The following KLHL1 variants were observed in gnomAD, a reference collection of about 807,000 sequenced individuals.
KLHL1 encodes the protein kelch-like protein 1.
In KLHL1, 47 loss-of-function variants were observed where a neutral mutation model predicts 77.7. The ratio of observed to expected loss-of-function variants is 0.60; its 90% CI spans 0.48 to 0.77. KLHL1 has a LOEUF of 0.77. Among genes scored for constraint, KLHL1 ranks in the 30% least tolerant of loss-of-function variants. The probability of loss-of-function intolerance (pLI) is 0.00; values close to 1 mark genes in which losing one functional copy is unlikely to be tolerated. For missense variants in KLHL1, 925 were observed against 910.8 expected (o/e 1.02, Z -0.20); for synonymous variants, 360 against 325.2 (o/e 1.11, Z -1.15).
At chr13:69,818,403 T>C (rs1172538758) in intron 6 of KLHL1, among the ~76,000 whole-genome samples, 1 of 151,856 alleles carries the variant, frequency 6.6e-6, no homozygotes, top group South Asian at 2.1e-4. Flanking sequence ...CTGTTTTTAG[T>C]AGAGATGGGG....
intron 4 of KLHL1, chr13:69,895,017 A>G (rs1593925936): frequency 2.0e-6 from 1 of 508,600 alleles, no homozygotes; most frequent in East Asian, 5.4e-5. Context: ...TATGATTGTC[A>G]TCAATGATCT....
In KLHL1 at chr13:69,784,229, C is replaced by T. The variant is rs530038384; in HGVS notation, c.1639+12509G>A. Among the ~76,000 whole-genome samples, 13 of 152,312 alleles carry T rather than the reference C, an allele frequency of 8.5e-5. No homozygotes were observed. The South Asian group carries it at 2.7e-3, about 32-fold the overall frequency. On this transcript the variant is annotated intron_variant, in intron 7 of 10. Coordinates refer to ENST00000377844, the MANE Select transcript of KLHL1 (RefSeq NM_020866.3). Reference sequence around the variant, plus strand: ...AAACCGGTACCAGCCACTGCAAAAACATGCCAAAATGTAAAGACCATCAAG... The same window carrying T: ...AAACCGGTACCAGCCACTGCAAAAATATGCCAAAATGTAAAGACCATCAAG...
At chr13:70,004,523 C>CT (rs66942404) in intron 1 of KLHL1, among the ~76,000 whole-genome samples, 96,558 of 151,500 alleles carry the variant, frequency 0.64, 32,275 homozygotes, top group Non-Finnish European at 0.75. Flanking sequence ...TGCCATCCCC[C>CT]TGACTAGTCC....
chr13:69,991,037 C>T (rs981507417), intron 1 of KLHL1, among the ~76,000 whole-genome samples: 1 of 151,874 alleles, frequency 6.6e-6, no homozygotes, highest in South Asian at 2.1e-4. Flanking sequence ...TATTAAACAA[C>T]GTGCTTCTGA....
At chr13:69,944,459 G>T (rs1400448732) in intron 3 of KLHL1, among the ~76,000 whole-genome samples, 3 of 152,120 alleles carry the variant, frequency 2.0e-5, no homozygotes, top group East Asian at 3.9e-4. Flanking sequence ...ACAATTCATA[G>T]CCATTTGTAA....
At chr13:69,823,017 T>C (rs1260541112) in intron 6 of KLHL1, among the ~76,000 whole-genome samples, 1 of 152,172 alleles carries the variant, frequency 6.6e-6, no homozygotes, top group Non-Finnish European at 1.5e-5. Context: ...AAGTTCGCTA[T>C]CAAGAGCTTG....
chr13:69,774,253 A>G (rs2137988481), intron 7 of KLHL1, among the ~76,000 whole-genome samples: 1 of 152,134 alleles, frequency 6.6e-6, no homozygotes, highest in African/African-American at 2.4e-5. Flanking sequence ...GTTCAAGATG[A>G]AATTGTTTCA....
rs1882717696 is a variant in KLHL1, at chr13:69,923,729, G to T, written c.1014+16311C>A. ...TGGCAGTCCATCTAGAGCAGCTGCTGCGATGATGCCAGCTGCAGTGGAGGA... is the reference window on the plus strand; with the variant it reads ...TGGCAGTCCATCTAGAGCAGCTGCTTCGATGATGCCAGCTGCAGTGGAGGA... On this transcript the variant is annotated intron_variant, in intron 4 of 10. Coordinates refer to ENST00000377844, the MANE Select transcript of KLHL1 (RefSeq NM_020866.3). Among the ~76,000 whole-genome samples, 3 of 152,296 alleles carry T rather than the reference G, an allele frequency of 2.0e-5. No individual in the cohort carries two copies. In the South Asian group the frequency reaches 6.2e-4, roughly 32 times the overall value.
At chr13:69,789,017 CTCTATCTATCTATCTATCTATCTA>C (rs10542087) in intron 7 of KLHL1, among the ~76,000 whole-genome samples, 16,198 of 150,476 alleles carry the variant, frequency 0.11, 1,009 homozygotes, top group African/African-American at 0.16. Flanking sequence ...CTCCACAGGA[CTCTATCTATCTATCTATCTATCTA>C]TCTATCTATC....
chr13:69,820,018 C>A (rs1878270766), intron 6 of KLHL1, among the ~76,000 whole-genome samples: 1 of 152,126 alleles, frequency 6.6e-6, no homozygotes, highest in Non-Finnish European at 1.5e-5. Flanking sequence ...AAGAAGAGAG[C>A]AGTCCCTCTA....
At chr13:69,823,293 AAC>A (rs1878413763) in intron 6 of KLHL1, among the ~76,000 whole-genome samples, 1 of 152,116 alleles carries the variant, frequency 6.6e-6, no homozygotes, top group Admixed American at 6.5e-5. Context: ...GCATATGAGA[AAC>A]ACCAACATTT....
chr13:69,788,210 A>T (rs1876664568), intron 7 of KLHL1, among the ~76,000 whole-genome samples: 1 of 152,228 alleles, frequency 6.6e-6, no homozygotes, highest in Non-Finnish European at 1.5e-5. Flanking sequence ...ATACATGCAC[A>T]CATATGTTTA....
chr13:69,838,565 C>G (rs1671477384), intron 6 of KLHL1, among the ~76,000 whole-genome samples: 1 of 151,750 alleles, frequency 6.6e-6, no homozygotes, highest in Admixed American at 6.6e-5. Flanking sequence ...TTATAATTGT[C>G]TATTTATTTA....
chr13:69,743,266 A>T (rs1253559460), intron 7 of KLHL1, among the ~76,000 whole-genome samples: 1 of 150,656 alleles, frequency 6.6e-6, no homozygotes, highest in African/African-American at 2.5e-5. Context: ...TATGACATTT[A>T]TTCTGGATGT....
At chr13:70,056,336 TAAAC>T (rs1159131700) in intron 1 of KLHL1, among the ~76,000 whole-genome samples, 1 of 151,996 alleles carries the variant, frequency 6.6e-6, no homozygotes, top group Non-Finnish European at 1.5e-5. Flanking sequence ...CCCAGATAAA[TAAAC>T]AAATATTATT....
rs1166960242 is a variant in KLHL1 at position 69,961,302 on chromosome 13, C to G, written c.817+6G>C. 1 of 1,606,860 alleles carries G rather than the reference C, an allele frequency of 6.2e-7. No homozygotes were observed. Among genetic ancestry groups the G allele is most frequent in the Admixed American group, 1.7e-5 (1 of 59,566 alleles). ...TCAGAATGATGTTATAATTATTTTGCCATACCTGTATATGCAAATTGGACA... is the reference window on the plus strand; with the variant it reads ...TCAGAATGATGTTATAATTATTTTGGCATACCTGTATATGCAAATTGGACA... On this transcript the variant is annotated splice_donor_region_variant and intron_variant, in intron 3 of 10. Coordinates refer to ENST00000377844, the MANE Select transcript of KLHL1 (RefSeq NM_020866.3).
intron 7 of KLHL1, among the ~76,000 whole-genome samples, chr13:69,763,692 A>T (rs2137969055): frequency 6.6e-6 from 1 of 152,364 alleles, no homozygotes; most frequent in Admixed American, 6.5e-5. Context: ...ATGTGGAATT[A>T]TTAAACAAAA....
intron 4 of KLHL1, among the ~76,000 whole-genome samples, chr13:69,914,604 A>C (rs900804344): frequency 6.0e-4 from 91 of 152,362 alleles, no homozygotes; most frequent in African/African-American, 1.9e-3. Context: ...ATTTTGCCAG[A>C]TAATGAAACA....
intron 6 of KLHL1, among the ~76,000 whole-genome samples, chr13:69,816,357 C>T (rs1878122489): frequency 6.6e-6 from 1 of 151,176 alleles, no homozygotes; most frequent in South Asian, 2.1e-4. Context: ...GCCTCCCAGG[C>T]TCAAGTGATT....
Sources: allele counts gnomAD v4.1 joint callset (sites outside exome capture counted in the v4.1 genomes callset), GRCh38; gene constraint gnomAD v4.1.1; transcripts MANE v1.5; gene names NCBI Gene and HGNC (gene_info 2026-07-23, HGNC 2026-07-21).